Variants in MFRP observed in about 807,000 individuals in gnomAD.
The protein encoded by MFRP is membrane frizzled-related protein.
In MFRP, 74 loss-of-function variants were observed where a neutral mutation model predicts 65.8. The ratio of observed to expected loss-of-function variants is 1.12; its 90% CI spans 0.93 to 1.36. The LOEUF (loss-of-function observed/expected upper bound fraction) is 1.36. MFRP is among the 40% of genes most tolerant of loss of function. The probability of loss-of-function intolerance (pLI) is 0.00; values close to 1 mark genes in which losing one functional copy is unlikely to be tolerated. For synonymous variants in MFRP, 336 were observed against 288.3 expected (o/e 1.17, Z -1.68); for missense variants, 838 against 736.0 (o/e 1.14, Z -1.60).
At chr11:119,344,796 T>G in intron 6 of MFRP, 39 bp from the exon 7 acceptor site, 1 of 1,613,678 alleles carries the variant, frequency 6.2e-7, no homozygotes, top group Non-Finnish European at 8.5e-7. Flanking sequence ...GCCCGGAGTC[T>G]CCACCCCTTT....
chr11:119,343,841 A>G lies in MFRP; in HGVS notation c.1099T>C (p.Ser367Pro). ...DYVEVYETSS[S>P]GAFSLLGRFC... is the part of the protein sequence containing the mutation. ...CTGCCCAGGAGGCTGAAGGCCCCTG[A>G]GCTGCTGGTCTCATACACCTCCACG... is the stretch of plus-strand genomic sequence containing the variant. The change falls in exon 9 of 15, where the codon TCA (serine) becomes CCA (proline). Residue 367 changes from serine (S) to proline (P), a missense_variant. Physicochemically the swap from Ser to Pro is moderately conservative, Grantham distance 74 (BLOSUM62 -1). Coordinates refer to ENST00000619721, the MANE Select transcript of MFRP (RefSeq NM_031433.4). The G allele has an allele frequency of 6.2e-7, 1 of 1,613,736 alleles. No individual in the cohort carries two copies. Among genetic ancestry groups the G allele is most frequent in the Non-Finnish European group, 8.5e-7 (1 of 1,179,976 alleles).
chr11:119,343,387 T>A (rs1279199162), intron 9 of MFRP, among the ~76,000 whole-genome samples: 1 of 152,210 alleles, frequency 6.6e-6, no homozygotes, highest in Non-Finnish European at 1.5e-5. Flanking sequence ...CGTGGTGGCA[T>A]GTGCCTGTGA....
intron 11 of MFRP, 105 bp from the exon 12 acceptor site, chr11:119,342,089 G>A: frequency 1.4e-6 from 2 of 1,424,886 alleles, no homozygotes; most frequent in South Asian, 2.4e-5. Context: ...GGTCCAATGG[G>A]GGTGGTTGTG....
At position 119,345,759 on chromosome 11, in the gene MFRP, C is replaced by A. The variant is rs1003948702; in HGVS notation, c.427+14G>T. On this transcript the variant is annotated intron_variant, in intron 4 of 14. Transcript: ENST00000619721. ...TTGGGCCCTTCTCCCGGAAGATCTG[C>A]CCCCAGTACTCACTGGACTGTGGGG... is the stretch of plus-strand genomic sequence containing the variant. The A allele has an allele frequency of 1.1e-5, 18 of 1,613,426 alleles. No homozygotes were observed. Among genetic ancestry groups the A allele is most frequent in the Non-Finnish European group, 1.5e-5 (18 of 1,180,000 alleles).
intron 11 of MFRP, among the ~76,000 whole-genome samples, chr11:119,342,209 C>T (rs961383284): frequency 3.3e-5 from 5 of 152,190 alleles, no homozygotes; most frequent in African/African-American, 4.8e-5. Flanking sequence ...CATGCAGGCA[C>T]GTCTTTAATC....
Position 119,341,124 on chromosome 11 carries a change from G to C in MFRP, c.*424C>G. The C allele has an allele frequency of 4.5e-6, 1 of 221,396 alleles. No homozygotes were observed. The highest frequency in any genetic ancestry group is 9.1e-6 in the Non-Finnish European group (1 of 109,828). The allele number at this position is 221,396 out of a possible 1,614,324, so 13.7% of individuals were successfully genotyped here. On this transcript the variant is annotated 3_prime_UTR_variant, in exon 13 of 15. Coordinates refer to ENST00000619721, the MANE Select transcript of MFRP (RefSeq NM_031433.4). Reference sequence around the variant, plus strand: ...TTCAGGGAGAAATACGCAGAGAGATGAGGGTGGAGAGTTCTAGAGGCAGAC... The same window carrying C: ...TTCAGGGAGAAATACGCAGAGAGATCAGGGTGGAGAGTTCTAGAGGCAGAC...
At position 119,346,286 on chromosome 11, in the gene MFRP, G is replaced by A. The variant is rs377690518; in HGVS notation, c.143C>T (p.Pro48Leu). ...VFPEDASYSVPAPWHGRRPRG... is the reference protein window; with the variant it reads ...VFPEDASYSVLAPWHGRRPRG... ...GGGATGGTTACCATGCCAGGGAGCTGGGACGCTGTAGCTGGCATCCTCTGG... is the reference window on the plus strand; with the variant it reads ...GGGATGGTTACCATGCCAGGGAGCTAGGACGCTGTAGCTGGCATCCTCTGG... The change falls in exon 2 of 15, where the codon CCA becomes CTA. Residue 48 changes from proline to leucine, a missense_variant. Physicochemically the swap from Pro to Leu is moderately conservative, Grantham distance 98. Transcript: ENST00000619721. The A allele has an allele frequency of 1.2e-6, 2 of 1,613,246 alleles. No individual in the cohort carries two copies. Among genetic ancestry groups the A allele is most frequent in the African/African-American group, 2.7e-5 (2 of 74,890 alleles).
At position 119,346,073 on chromosome 11, in the gene MFRP, C is replaced by T. The variant is rs796778367; in HGVS notation, c.244G>A (p.Gly82Arg). The T allele has an allele frequency of 6.2e-7, 1 of 1,610,330 alleles. No individual in the cohort carries two copies. Among genetic ancestry groups the T allele is most frequent in the Admixed American group, 1.7e-5 (1 of 59,216 alleles). Residue 82 changes from glycine to arginine, a missense_variant, in exon 3 of 15, where the codon GGG becomes AGG. Transcript: ENST00000619721. ...GCCAGGATGATGGCCACCAGCAGCC[C>T]AAGCAGCAGGAGGAGCAGGCTGGAG... ...LLSSLLLLLLGLLVAIILAQL... is the reference protein window; with the variant it reads ...LLSSLLLLLLRLLVAIILAQL...
At chr11:119,340,036 C>G (rs1950484769) in intron 14 of MFRP, 148 bp downstream of exon 14, 2 of 1,252,404 alleles carry the variant, frequency 1.6e-6, no homozygotes, top group Non-Finnish European at 2.1e-6. Context: ...GGGGCTCCCG[C>G]CGCCTGGGCC....
rs369261260 is a variant in MFRP at position 119,339,323 on chromosome 11, A to C, written c.*1636T>G. 3.5e-5 allele frequency: 57 copies of C among 1,611,426 alleles called. No individual in the cohort carries two copies. The Middle Eastern group carries it at 1.6e-3, about 47-fold the overall frequency. On this transcript the variant is annotated 3_prime_UTR_variant, in exon 15 of 15. Coordinates refer to ENST00000619721, the MANE Select transcript of MFRP (RefSeq NM_031433.4). This position sits in a 1 kb window ranked among gnomAD's most constrained non-coding sequence, Gnocchi z 5.4. The stretch of plus-strand genomic sequence containing the variant: ...GAGTGAGAGCATGAGCTCACTTTGC[A>C]GTGGGCACTAAGCAAAGACTGGGGA...
At position 119,341,368 on chromosome 11, in the gene MFRP, G is replaced by A. The variant is rs763004520; in HGVS notation, c.*180C>T. The A allele has an allele frequency of 1.3e-5, 8 of 611,418 alleles. No homozygotes were observed. Among genetic ancestry groups the A allele is most frequent in the Admixed American group, 5.9e-5 (2 of 34,082 alleles). The allele number at this position is 611,418 out of a possible 1,614,324, so 37.9% of individuals were successfully genotyped here. A position where few individuals can be genotyped will look rare whatever the true frequency, so the allele number is the denominator to read the frequency against. On this transcript the variant is annotated 3_prime_UTR_variant, in exon 13 of 15. Coordinates refer to ENST00000619721, the MANE Select transcript of MFRP (RefSeq NM_031433.4). ...CTGGGACCGGTAAAGGGACAGGAAG[G>A]AGCAGGGAGGGTGGTAGGGTCCCAT...
intron 9 of MFRP, among the ~76,000 whole-genome samples, chr11:119,343,227 G>A (rs1177515584): frequency 2.0e-5 from 3 of 152,228 alleles, no homozygotes; most frequent in Non-Finnish European, 4.4e-5. Flanking sequence ...AATCAGCGAA[G>A]CAGCCTGGCA....
rs977125222 is a variant in MFRP at position 119,341,305 on chromosome 11, C to T, written c.*243G>A. ...AAGAGGCCTGGATGGGAAGTGGTCTCGATTGTCCGGTGGCACAGTGTGGGG... is the reference window on the plus strand; with the variant it reads ...AAGAGGCCTGGATGGGAAGTGGTCTTGATTGTCCGGTGGCACAGTGTGGGG... On this transcript the variant is annotated 3_prime_UTR_variant, in exon 13 of 15. Transcript: ENST00000619721. The T allele has an allele frequency of 1.6e-5, 9 of 570,070 alleles. No individual in the cohort carries two copies. The highest frequency in any genetic ancestry group is 5.6e-5 in the African/African-American group (3 of 53,422). The allele number at this position is 570,070 out of a possible 1,614,324, so 35.3% of individuals were successfully genotyped here. A position where few individuals can be genotyped will look rare whatever the true frequency, so the allele number is the denominator to read the frequency against.
rs1165272930 is a variant in MFRP at position 119,341,364 on chromosome 11, G to A, written c.*184C>T. 1 of 609,118 alleles carries A rather than the reference G, an allele frequency of 1.6e-6. No individual in the cohort carries two copies. Among genetic ancestry groups the A allele is most frequent in the Non-Finnish European group, 2.9e-6 (1 of 345,310 alleles). The allele number at this position is 609,118 out of a possible 1,614,324, so 37.7% of individuals were successfully genotyped here. On this transcript the variant is annotated 3_prime_UTR_variant, in exon 13 of 15. Coordinates refer to ENST00000619721, the MANE Select transcript of MFRP (RefSeq NM_031433.4). Reference sequence around the variant, plus strand: ...CAGCCTGGGACCGGTAAAGGGACAGGAAGGAGCAGGGAGGGTGGTAGGGTC... The same window carrying A: ...CAGCCTGGGACCGGTAAAGGGACAGAAAGGAGCAGGGAGGGTGGTAGGGTC...
Position 119,339,848 on chromosome 11 carries a change from C to T in MFRP, c.*1111G>A. 1 of 1,477,906 alleles carries T rather than the reference C, an allele frequency of 6.8e-7. No individual in the cohort carries two copies. Among genetic ancestry groups the T allele is most frequent in the Non-Finnish European group, 8.9e-7 (1 of 1,122,204 alleles). The allele number at this position is 1,477,906 out of a possible 1,614,324, so 91.5% of individuals were successfully genotyped here. ...GGGGTCCCCTCGAGGTCCCGGCAGT[C>T]CTGCGGGGTAAGCGGGGCGGCAGGG... On this transcript the variant is annotated splice_region_variant and 3_prime_UTR_variant, in exon 15 of 15. Coordinates refer to ENST00000619721, the MANE Select transcript of MFRP (RefSeq NM_031433.4). This position sits in a 1 kb window ranked among gnomAD's most constrained non-coding sequence, Gnocchi z 5.4.
At position 119,340,164 on chromosome 11, in the gene MFRP, C is replaced by T; in HGVS notation, c.*1110+20G>A. On this transcript the variant is annotated intron_variant, in intron 14 of 14. Coordinates refer to ENST00000619721, the MANE Select transcript of MFRP (RefSeq NM_031433.4). ...CCTGCTCGGACATCGCCACCGATAG[C>T]CGCGGCGGTGCCTTCTTACCCGGCC... 6.6e-7 allele frequency: 1 copy of T among 1,508,818 alleles called. No homozygotes were observed. Among genetic ancestry groups the T allele is most frequent in the East Asian group, 2.8e-5 (1 of 36,254 alleles). 93.5% of individuals were successfully genotyped at this position (1,508,818 alleles called of 1,614,324 possible). A position where few individuals can be genotyped will look rare whatever the true frequency, so the allele number is the denominator to read the frequency against.
intron 2 of MFRP, 48 bp from the exon 3 acceptor site, chr11:119,346,207 C>T (rs1054453593): frequency 4.5e-6 from 7 of 1,567,760 alleles, no homozygotes; most frequent in Non-Finnish European, 6.1e-6. Context: ...GTTGGGTATT[C>T]CTCATGCTGT....
chr11:119,345,467 A>G lies in MFRP; in HGVS notation c.594T>C (p.Leu198=), dbSNP rs1216492448. ...CAGGGGAGAGTTCCAAGCGATCAAA[A>G]AGGCAAGAGGCCACACTCTCTATGC... The part of the protein sequence containing the change: ...ALSIESVASC[L]FDRLELSPEP... Residue 198 remains leucine, a synonymous_variant, in exon 5 of 15, where the codon CTT becomes CTC. Coordinates refer to ENST00000619721, the MANE Select transcript of MFRP (RefSeq NM_031433.4). 1 of 1,614,036 alleles carries G rather than the reference A, an allele frequency of 6.2e-7. No individual in the cohort carries two copies. The highest frequency in any genetic ancestry group is 8.5e-7 in the Non-Finnish European group (1 of 1,180,030).
rs1477918388 is a variant in MFRP, at chr11:119,346,149, A to G, written c.168T>C (p.Pro56=). The G allele has an allele frequency of 6.3e-7, 1 of 1,594,060 alleles. No homozygotes were observed. Among genetic ancestry groups the G allele is most frequent in the East Asian group, 2.3e-5 (1 of 44,132 alleles). The change falls in exon 3 of 15, where the codon CCT becomes CCC. Residue 56 remains proline (P), a synonymous_variant. Coordinates refer to ENST00000619721, the MANE Select transcript of MFRP (RefSeq NM_031433.4). The part of the protein sequence containing the change: ...SVPAPWHGRR[P]RGLRPDCRFS... ...AGCGGCAGTCTGGCCGTAGCCCTCG[A>G]GGACGCCGACCTGCGGGTTGGCAGG...
Sources: gnomAD v4.1 joint callset for allele counts (sites outside exome capture counted in the v4.1 genomes callset) on GRCh38, gnomAD v4.1.1 for gene constraint, Gnocchi (gnomAD v3.1) non-coding constraint, MANE v1.5 for transcripts, NCBI Gene and HGNC (gene_info 2026-07-23, HGNC 2026-07-21) for gene names.